RC3H1: variants seen among roughly 807,000 people sequenced by gnomAD.
RC3H1 encodes the protein ring finger and CCCH-type domains 1, also known as roquin-1.
In RC3H1, 50 loss-of-function variants were observed where a neutral mutation model predicts 138.2. The observed-to-expected ratio is 0.36, with a 90% CI of 0.29 to 0.46. The LOEUF is 0.46. RC3H1 is among the 20% of genes least tolerant of loss of function. The pLI is 1.00. For missense variants in RC3H1, 1,031 were observed against 1,388.1 expected, an observed-to-expected ratio of 0.74 and a Z score of 4.09; for synonymous variants, 462 against 489.1, an observed-to-expected ratio of 0.94 and a Z score of 0.73.
At chr1:173,996,084 T>A (rs1661450669) in intron 1 of RC3H1, among the ~76,000 whole-genome samples, 1 of 152,052 alleles carries the variant, frequency 6.6e-6, no homozygotes, top group South Asian at 2.1e-4. Context: ...TGAAACCCTA[T>A]CTCTACTAAA....
chr1:174,004,774 C>A (rs1451523598), intron 1 of RC3H1, among the ~76,000 whole-genome samples: 2 of 151,852 alleles, frequency 1.3e-5, no homozygotes, highest in Non-Finnish European at 2.9e-5. Flanking sequence ...GCCAAGATCA[C>A]AAAAGAGAGA....
intron 17 of RC3H1, among the ~76,000 whole-genome samples, chr1:173,945,956 C>T (rs1659116657): frequency 6.6e-6 from 1 of 151,874 alleles, no homozygotes; most frequent in South Asian, 2.1e-4. Context: ...ATCCACTTGC[C>T]TCGGCCTCCC....
chr1:173,997,059 G>A (rs908634034), intron 1 of RC3H1, among the ~76,000 whole-genome samples: 25 of 151,940 alleles, frequency 1.6e-4, no homozygotes, highest in African/African-American at 3.4e-4. Context: ...GTGAGACCCC[G>A]TCTCTACAGA....
chr1:173,969,037 T>C, intron 9 of RC3H1, among the ~76,000 whole-genome samples: 1 of 151,782 alleles, frequency 6.6e-6, no homozygotes, highest in African/African-American at 2.4e-5. Flanking sequence ...TTTTGTGTTT[T>C]TAGTAGAGAC....
chr1:173,997,060 T>C (rs1426574739), intron 1 of RC3H1, among the ~76,000 whole-genome samples: 1 of 151,806 alleles, frequency 6.6e-6, no homozygotes, highest in African/African-American at 2.4e-5. Context: ...TGAGACCCCG[T>C]CTCTACAGAA....
intron 7 of RC3H1, among the ~76,000 whole-genome samples, chr1:173,975,533 T>G (rs145710487): frequency 9.9e-5 from 15 of 152,256 alleles, no homozygotes; most frequent in African/African-American, 3.4e-4. Context: ...ATAATATGTC[T>G]TCATACAAAT....
chr1:173,985,275 AC>A (rs1223207492), intron 2 of RC3H1, among the ~76,000 whole-genome samples: 1 of 152,194 alleles, frequency 6.6e-6, no homozygotes, highest in Non-Finnish European at 1.5e-5. Context: ...ACATCTGTGT[AC>A]AAGTTTTTGT....
intron 9 of RC3H1, among the ~76,000 whole-genome samples, chr1:173,967,405 G>C (rs1015231058): frequency 6.6e-6 from 1 of 152,150 alleles, no homozygotes; most frequent in African/African-American, 2.4e-5. Flanking sequence ...AGGTCAAAGA[G>C]CACGCAAATT....
chr1:173,936,422 G>C lies in RC3H1; in HGVS notation c.*2299C>G, dbSNP rs890399049. On this transcript the variant is annotated 3_prime_UTR_variant, in exon 20 of 20. Coordinates refer to ENST00000367696, the MANE Select transcript of RC3H1 (RefSeq NM_172071.4). ...CCAGCTACTCAGGAGGCTGAGGCAGGAGAATCGCTTGAACCCGGGAGGTGG... is the reference window on the plus strand; with the variant it reads ...CCAGCTACTCAGGAGGCTGAGGCAGCAGAATCGCTTGAACCCGGGAGGTGG... The C allele has an allele frequency of 6.9e-6, 1 of 145,314 alleles. No homozygotes were observed. The highest frequency in any genetic ancestry group is 7.1e-5 in the Admixed American group (1 of 13,994). The allele number at this position is 145,314 out of a possible 1,614,324, so 9.0% of individuals were successfully genotyped here.
chr1:173,966,641 G>A (rs12069129), intron 9 of RC3H1, among the ~76,000 whole-genome samples: 43,837 of 151,720 alleles, frequency 0.29, 11,322 homozygotes, highest in African/African-American at 0.7. Flanking sequence ...CTTGAGCCCG[G>A]GAGGCGGAGG....
chr1:173,963,547 C>A (rs936316963), intron 11 of RC3H1, among the ~76,000 whole-genome samples: 2 of 152,070 alleles, frequency 1.3e-5, no homozygotes, highest in Non-Finnish European at 2.9e-5. Context: ...ATATATATTA[C>A]AGGGCCCAGA....
At chr1:173,940,840 T>G (rs77350346) in intron 19 of RC3H1, among the ~76,000 whole-genome samples, 1 of 151,844 alleles carries the variant, frequency 6.6e-6, no homozygotes, top group East Asian at 1.9e-4. Context: ...TTTTTTTTTT[T>G]GAGACCGTGT....
At chr1:174,001,126 A>G (rs1418283669) in intron 1 of RC3H1, among the ~76,000 whole-genome samples, 2 of 152,196 alleles carry the variant, frequency 1.3e-5, no homozygotes, top group Non-Finnish European at 2.9e-5. Context: ...AAGGTGGAGG[A>G]AAGTTCAAGG....
At chr1:173,944,568 A>AAAAC (rs760642610) in intron 17 of RC3H1, among the ~76,000 whole-genome samples, 17 of 152,186 alleles carry the variant, frequency 1.1e-4, no homozygotes, top group East Asian at 5.8e-4. Context: ...TAAAGTATAT[A>AAAAC]AAACAAACAA....
At chr1:173,939,783 C>A (rs527849681) in intron 19 of RC3H1, among the ~76,000 whole-genome samples, 2 of 151,060 alleles carry the variant, frequency 1.3e-5, no homozygotes, top group African/African-American at 4.9e-5. Context: ...TGCAGTGAGC[C>A]GAGATCATGC....
intron 14 of RC3H1, among the ~76,000 whole-genome samples, chr1:173,949,144 G>A: frequency 1.2e-5 from 1 of 82,220 alleles, no homozygotes; most frequent in South Asian, 5.6e-4. Context: ...GGGGGGGTGG[G>A]GCTGGCATAT....
At chr1:173,975,897 CAAAAAAAAAAAAAAAAAA>C (rs71299434) in intron 7 of RC3H1, among the ~76,000 whole-genome samples, 1 of 3,606 alleles carries the variant, frequency 2.8e-4, no homozygotes, top group Non-Finnish European at 3.5e-4. Context: ...GACTCCGTCT[CAAAAAAAAAAAAAAAAAA>C]AAAAAAAAAA....
Position 173,938,793 on chromosome 1 carries a change from T to C in RC3H1, c.3330A>G (p.Ser1110=), listed in dbSNP as rs1468982453. ...LSNKTSSLNL[S]EDPEGGGDNN... is the part of the protein sequence containing the mutation. ...TATCCCCTCCTCCCTCAGGGTCCTC[T>C]GACAGGTTCAGAGAGCTGGTCTTGT... The change falls in exon 20 of 20, where the codon TCA becomes TCG. Residue 1110 remains serine (S), a synonymous_variant. Transcript: ENST00000367696. The C allele has an allele frequency of 6.2e-7, 1 of 1,613,736 alleles. No individual in the cohort carries two copies. Among genetic ancestry groups the C allele is most frequent in the Admixed American group, 1.7e-5 (1 of 59,994 alleles).
chr1:173,970,964 T>TTC (rs1455079087), intron 8 of RC3H1, among the ~76,000 whole-genome samples: 4 of 150,598 alleles, frequency 2.7e-5, no homozygotes, highest in Admixed American at 2.0e-4. Context: ...TTTCCACTTT[T>TTC]TTTTTTTTTT....
Sources: allele counts gnomAD v4.1 joint callset (sites outside exome capture counted in the v4.1 genomes callset), GRCh38; gene constraint gnomAD v4.1.1; transcripts MANE v1.5; gene names NCBI Gene and HGNC (gene_info 2026-07-23, HGNC 2026-07-21).